ANKS1B: variants seen among roughly 807,000 people sequenced by gnomAD.
ANKS1B encodes ankyrin repeat and sterile alpha motif domain-containing protein 1B.
Under a neutral mutation model 148.3 loss-of-function variants are expected in ANKS1B, and 36 were observed. That is an observed-to-expected ratio of 0.24 (90% CI 0.19 to 0.32). ANKS1B has a LOEUF of 0.32. Ranked by LOEUF, ANKS1B falls within the 10% of genes least tolerant of loss-of-function variation. The probability of loss-of-function intolerance (pLI) is 1.00; values close to 1 mark genes in which losing one functional copy is unlikely to be tolerated. For missense variants in ANKS1B, 1,157 were observed against 1,542.6 expected (o/e 0.75, Z 4.19); for synonymous variants, 542 against 560.8 (o/e 0.97, Z 0.47).
intron 14 of ANKS1B, among the ~76,000 whole-genome samples, chr12:99,238,084 C>A (rs1339073090): frequency 6.6e-6 from 1 of 152,214 alleles, no homozygotes; most frequent in African/African-American, 2.4e-5. Flanking sequence ...CGAGCTGAAG[C>A]AGGGCGGGGT....
intron 14 of ANKS1B, among the ~76,000 whole-genome samples, chr12:99,232,190 A>G (rs2086984907): frequency 6.6e-6 from 1 of 152,214 alleles, no homozygotes; most frequent in South Asian, 2.1e-4. Context: ...TGTACTCTAT[A>G]ATAAAATTCC....
chr12:98,940,574 T>C (rs1025117520), intron 17 of ANKS1B, among the ~76,000 whole-genome samples: 3 of 152,192 alleles, frequency 2.0e-5, no homozygotes, highest in African/African-American at 7.2e-5. Context: ...ATTATTACCA[T>C]GAATTACTTG....
At chr12:99,712,259 G>A (rs1468149452) in intron 8 of ANKS1B, among the ~76,000 whole-genome samples, 1 of 152,128 alleles carries the variant, frequency 6.6e-6, no homozygotes, top group Admixed American at 6.5e-5. Flanking sequence ...GACAAAATAG[G>A]TTGTTTCATG....
intron 8 of ANKS1B, among the ~76,000 whole-genome samples, chr12:99,772,373 A>G (rs2063272913): frequency 6.6e-6 from 1 of 152,162 alleles, no homozygotes; most frequent in Non-Finnish European, 1.5e-5. Flanking sequence ...AAAGAACACT[A>G]TCATAAAGGC....
chr12:98,875,329 CCT>C (rs2152438626), intron 17 of ANKS1B, among the ~76,000 whole-genome samples: 1 of 152,252 alleles, frequency 6.6e-6, no homozygotes, highest in African/African-American at 2.4e-5. Context: ...GTAAATTCTC[CCT>C]GTTTAAAAAC....
At chr12:99,095,036 G>A (rs909657317) in intron 15 of ANKS1B, among the ~76,000 whole-genome samples, 9 of 132,316 alleles carry the variant, frequency 6.8e-5, no homozygotes, top group Admixed American at 1.5e-4. Context: ...TGGGGGGGGG[G>A]TCAAGTCTCC....
rs1263664328 is a variant in ANKS1B at position 98,902,128 on chromosome 12, G to A, written c.2779-69992C>T. Among the ~76,000 whole-genome samples, 3 of 152,208 alleles carry A rather than the reference G, an allele frequency of 2.0e-5. No individual in the cohort carries two copies. In the East Asian group the frequency reaches 5.8e-4, roughly 29 times the overall value. On this transcript the variant is annotated intron_variant, in intron 17 of 26. Coordinates refer to ENST00000683438, the MANE Select transcript of ANKS1B (RefSeq NM_001352186.2). ...AGCAGGCTTGGAATCCAAGGGGAAT[G>A]AATATAAACACTGAGACCCATCTGC...
chr12:98,896,773 A>G (rs1469942928), intron 17 of ANKS1B, among the ~76,000 whole-genome samples: 4 of 152,158 alleles, frequency 2.6e-5, no homozygotes, highest in Admixed American at 6.5e-5. Flanking sequence ...CAAACTTTCA[A>G]TGGGTTTGGA....
At chr12:99,037,678 T>C (rs2099956396) in intron 17 of ANKS1B, among the ~76,000 whole-genome samples, 1 of 152,234 alleles carries the variant, frequency 6.6e-6, no homozygotes. Flanking sequence ...TGTTTTAGCG[T>C]CTGATTTTGA....
intron 1 of ANKS1B, among the ~76,000 whole-genome samples, chr12:99,875,858 C>G (rs1224505851): frequency 6.6e-6 from 1 of 152,130 alleles, no homozygotes; most frequent in Non-Finnish European, 1.5e-5. Flanking sequence ...AGCTTACAGT[C>G]TATTGACAAA....
intron 12 of ANKS1B, among the ~76,000 whole-genome samples, chr12:99,361,286 T>A (rs1306411867): frequency 6.6e-6 from 1 of 151,284 alleles, no homozygotes; most frequent in African/African-American, 2.4e-5. Flanking sequence ...ATAAAAAAAA[T>A]TAAAATATTT....
chr12:99,246,853 G>A lies in ANKS1B; in HGVS notation c.1768C>T (p.Arg590Ter), dbSNP rs759420796. 6.3e-7 allele frequency: 1 copy of A among 1,583,290 alleles called. No homozygotes were observed. The highest frequency in any genetic ancestry group is 1.2e-5 in the South Asian group (1 of 86,002). The part of the protein sequence containing the change: ...EGTNHTDDLS[R>*]QDDNDPPKEY... ...TTTGGGGGATCATTGTCATCCTGTC[G>A]GGAGAGGTCATCTGCAAAAGGAAGG... The change falls in exon 13 of 27, where the codon CGA becomes TGA. Residue 590 changes from arginine (R) to a stop codon, truncating the protein, a stop_gained. Transcript: ENST00000683438. LOFTEE classifies it high-confidence loss of function.
intron 25 of ANKS1B, among the ~76,000 whole-genome samples, chr12:98,763,105 A>G (rs2098434707): frequency 1.3e-5 from 2 of 152,220 alleles, no homozygotes; most frequent in Admixed American, 6.5e-5. Flanking sequence ...GTTTTTTTCA[A>G]TCTGGGTTCT....
intron 10 of ANKS1B, among the ~76,000 whole-genome samples, chr12:99,475,342 T>C (rs1254729284): frequency 6.6e-6 from 1 of 151,370 alleles, no homozygotes; most frequent in African/African-American, 2.4e-5. Context: ...ATACAACTAA[T>C]ATATTAAAAA....
At chr12:99,526,192 A>G (rs950273907) in intron 9 of ANKS1B, among the ~76,000 whole-genome samples, 4 of 152,216 alleles carry the variant, frequency 2.6e-5, no homozygotes, top group African/African-American at 9.6e-5. Context: ...TATAAAAGTT[A>G]AAAGACTAAC....
chr12:99,525,702 T>A (rs1033007861), intron 9 of ANKS1B, among the ~76,000 whole-genome samples: 5 of 152,160 alleles, frequency 3.3e-5, no homozygotes, highest in African/African-American at 1.2e-4. Flanking sequence ...TATATCAAAT[T>A]AATTCCTGAT....
intron 17 of ANKS1B, among the ~76,000 whole-genome samples, chr12:99,031,003 G>A (rs1372532182): frequency 6.6e-6 from 1 of 152,110 alleles, no homozygotes; most frequent in Non-Finnish European, 1.5e-5. Context: ...AAACAAAGAT[G>A]GAACAAAATT....
chr12:98,917,875 T>C (rs2099796503), intron 17 of ANKS1B, among the ~76,000 whole-genome samples: 1 of 152,222 alleles, frequency 6.6e-6, no homozygotes, highest in African/African-American at 2.4e-5. Context: ...TTTCTTTTAA[T>C]TCTTTTGAGA....
chr12:98,868,072 CCT>C (rs2099634691), intron 17 of ANKS1B, among the ~76,000 whole-genome samples: 1 of 152,158 alleles, frequency 6.6e-6, no homozygotes, highest in Admixed American at 6.5e-5. Context: ...CTGACTGTCT[CCT>C]CTGTTTGTCT....
Sources: allele counts gnomAD v4.1 joint callset (sites outside exome capture counted in the v4.1 genomes callset), GRCh38; gene constraint gnomAD v4.1.1; transcripts MANE v1.5; gene names NCBI Gene and HGNC (gene_info 2026-07-23, HGNC 2026-07-21).